PYHIN1: variants seen among roughly 807,000 people sequenced by gnomAD.
PYHIN1 encodes pyrin and HIN domain family member 1, also known as pyrin and HIN domain-containing protein 1.
In PYHIN1, 32 loss-of-function variants were observed where a neutral mutation model predicts 43.7. The ratio of observed to expected loss-of-function variants is 0.73; its 90% confidence interval spans 0.55 to 0.98. The LOEUF (loss-of-function observed/expected upper bound fraction) is 0.98. Among genes scored for constraint, PYHIN1 ranks in the 50% least tolerant of loss-of-function variants. The probability of loss-of-function intolerance (pLI) is 0.00; values close to 1 mark genes in which losing one functional copy is unlikely to be tolerated. For synonymous variants in PYHIN1, 205 were observed against 203.1 expected, an observed-to-expected ratio of 1.01 and a Z score of -0.08; for missense variants, 588 against 589.5, an observed-to-expected ratio of 1.00 and a Z score of 0.03.
the PYHIN1 span, among the ~76,000 whole-genome samples, chr1:158,983,953 G>GT: frequency 0.93 from 140,398 of 150,288 alleles, 66,331 homozygotes; most frequent in East Asian, 1. Flanking sequence ...GTCTTTGAGA[G>GT]TTTTTGTATT....
chr1:158,939,490 C>G, intron 4 of PYHIN1: 5 of 1,550,956 alleles, frequency 3.2e-6, no homozygotes, highest in Non-Finnish European at 4.4e-6. Context: ...ACTGCGGAAT[C>G]TGGAACTTTC....
At chr1:158,987,842 A>C in the PYHIN1 span, among the ~76,000 whole-genome samples, 1 of 152,226 alleles carries the variant, frequency 6.6e-6, no homozygotes, top group Non-Finnish European at 1.5e-5. Flanking sequence ...ATTTTAAAAT[A>C]GTGTCTTCCT....
At chr1:158,945,663 G>A (rs1241725821) in intron 7 of PYHIN1, among the ~76,000 whole-genome samples, 1 of 152,144 alleles carries the variant, frequency 6.6e-6, no homozygotes, top group African/African-American at 2.4e-5. Flanking sequence ...GAACAGAGAG[G>A]CTTATCATAT....
chr1:158,950,790 G>A (rs566111304), intron 7 of PYHIN1, among the ~76,000 whole-genome samples: 42 of 152,272 alleles, frequency 2.8e-4, no homozygotes, highest in African/African-American at 9.9e-4. Context: ...ACCATGGCTT[G>A]TCTTTGGGGG....
chr1:158,953,780 G>A (rs1336686383), intron 7 of PYHIN1, among the ~76,000 whole-genome samples: 1 of 152,296 alleles, frequency 6.6e-6, no homozygotes, highest in Non-Finnish European at 1.5e-5. Flanking sequence ...AGAAAAGAAG[G>A]CTTCAGATGA....
intron 1 of PYHIN1, among the ~76,000 whole-genome samples, chr1:158,936,184 A>G (rs1265923752): frequency 5.5e-5 from 8 of 145,518 alleles, no homozygotes; most frequent in Non-Finnish European, 1.1e-4. Flanking sequence ...AGCATTAGGT[A>G]TATCACCTAA....
chr1:158,952,896 C>G (rs533795945), intron 7 of PYHIN1, among the ~76,000 whole-genome samples: 1 of 152,186 alleles, frequency 6.6e-6, no homozygotes, highest in South Asian at 2.1e-4. Context: ...AGTGGGTGCA[C>G]GCACCATGCG....
chr1:158,933,284 ATATAT>A lies in PYHIN1; in HGVS notation c.-21+1514_-21+1518del, dbSNP rs1187505094. On this transcript the variant is annotated intron_variant, in intron 1 of 8. Coordinates refer to ENST00000368140, the MANE Select transcript of PYHIN1 (RefSeq NM_152501.5). This position sits in a 1 kb window ranked among gnomAD's most constrained non-coding sequence, Gnocchi z 6.3. The stretch of plus-strand genomic sequence containing the variant: ...TACATATGTGTGTATATGAAGATAA[ATATAT>A]TATATAACATTATATTATCATGAAG... Among the ~76,000 whole-genome samples the A allele has an allele frequency of 1.3e-5, 2 of 151,360 alleles. No individual in the cohort carries two copies. Among genetic ancestry groups the A allele is most frequent in the Admixed American group, 6.6e-5 (1 of 15,160 alleles).
chr1:158,941,362 T>C (rs1227210244), intron 4 of PYHIN1, among the ~76,000 whole-genome samples: 1 of 152,204 alleles, frequency 6.6e-6, no homozygotes, highest in African/African-American at 2.4e-5. Flanking sequence ...TGAGAAAGAC[T>C]GCAATGGTGG....
chr1:158,979,836 G>C (rs1035143593), downstream of PYHIN1, among the ~76,000 whole-genome samples: 1 of 152,116 alleles, frequency 6.6e-6, no homozygotes, highest in Non-Finnish European at 1.5e-5. Context: ...CACCTAGGTA[G>C]TAAGCACAGT....
chr1:158,959,032 G>A (rs1169668756), intron 7 of PYHIN1, among the ~76,000 whole-genome samples: 1 of 150,844 alleles, frequency 6.6e-6, no homozygotes, highest in African/African-American at 2.4e-5. Flanking sequence ...CACCAAACTT[G>A]GAAATCCCAA....
chr1:158,939,145 T>C lies in PYHIN1; in HGVS notation c.477T>C (p.Thr159=). ...GGAGTAAGATGTCCAAAGAGCAGAC[T>C]CGGCCTTCCTGCTCTGCAGGAGCCA... ...TKRSKMSKEQ[T]RPSCSAGAST... The change falls in exon 4 of 9, where the codon ACT becomes ACC. Residue 159 remains threonine (T), a synonymous_variant. Transcript: ENST00000368140. 2.5e-6 allele frequency: 4 copies of C among 1,613,890 alleles called. No homozygotes were observed. The highest frequency in any genetic ancestry group is 3.4e-6 in the Non-Finnish European group (4 of 1,179,934).
the PYHIN1 span, among the ~76,000 whole-genome samples, chr1:158,989,354 G>A: frequency 2.0e-5 from 3 of 152,076 alleles, no homozygotes; most frequent in East Asian, 1.9e-4. Flanking sequence ...GGTCAAGAGC[G>A]GACTTCTGCT....
At chr1:158,964,692 G>T (rs1650521605) in intron 7 of PYHIN1, among the ~76,000 whole-genome samples, 2 of 152,132 alleles carry the variant, frequency 1.3e-5, no homozygotes, top group African/African-American at 4.8e-5. Context: ...AATGCTGAGG[G>T]AATTTGTTAC....
At chr1:158,947,767 C>A (rs902871515) in intron 7 of PYHIN1, among the ~76,000 whole-genome samples, 1 of 152,232 alleles carries the variant, frequency 6.6e-6, no homozygotes, top group Admixed American at 6.5e-5. Context: ...AGTCAACACA[C>A]CTGTAGGTAA....
At chr1:158,932,220 C>T (rs780759850) in intron 1 of PYHIN1, among the ~76,000 whole-genome samples, 25 of 152,106 alleles carry the variant, frequency 1.6e-4, no homozygotes, top group Non-Finnish European at 2.8e-4. Flanking sequence ...ATACCAAATA[C>T]TGCATGTTCT....
chr1:158,954,990 CAA>C (rs1202135630), intron 7 of PYHIN1, among the ~76,000 whole-genome samples: 1 of 151,672 alleles, frequency 6.6e-6, no homozygotes, highest in African/African-American at 2.4e-5. Flanking sequence ...AAACAAAGAT[CAA>C]AAGAGACAAA....
At chr1:158,935,360 A>C (rs1208246032) in intron 1 of PYHIN1, among the ~76,000 whole-genome samples, 2 of 152,188 alleles carry the variant, frequency 1.3e-5, no homozygotes, top group Non-Finnish European at 2.9e-5. Context: ...GAAGCAAGGA[A>C]TGTATTGAAA....
intron 7 of PYHIN1, among the ~76,000 whole-genome samples, chr1:158,952,788 TC>T (rs1257423577): frequency 1.3e-5 from 2 of 152,172 alleles, no homozygotes; most frequent in African/African-American, 4.8e-5. Flanking sequence ...CGTATACAGC[TC>T]CCAGCGTAAG....
Sources: allele counts gnomAD v4.1 joint callset (sites outside exome capture counted in the v4.1 genomes callset), GRCh38; gene constraint gnomAD v4.1.1; non-coding constraint Gnocchi (gnomAD v3.1); transcripts MANE v1.5; gene names NCBI Gene and HGNC (gene_info 2026-07-23, HGNC 2026-07-21).